UHRF2: variants seen among roughly 807,000 people sequenced by gnomAD.
UHRF2 encodes E3 ubiquitin-protein ligase UHRF2.
A neutral mutation model predicts 96.8 loss-of-function variants in UHRF2; 23 were observed. The observed-to-expected ratio is 0.24, with a 90% CI of 0.17 to 0.34. The LOEUF is 0.34. Among genes scored for constraint, UHRF2 ranks in the 10% least tolerant of loss-of-function variants. UHRF2 has a pLI of 1.00. For missense variants in UHRF2, 685 were observed against 981.5 expected, an observed-to-expected ratio of 0.70 and a Z score of 4.04; for synonymous variants, 385 against 332.6, an observed-to-expected ratio of 1.16 and a Z score of -1.72.
At chr9:6,470,330 G>C (rs954205347) in intron 4 of UHRF2, among the ~76,000 whole-genome samples, 2 of 149,578 alleles carry the variant, frequency 1.3e-5, no homozygotes, top group African/African-American at 4.9e-5. Context: ...CTGAGATCGT[G>C]CCTAGGTGAC....
chr9:6,447,215 T>C (rs541717362), intron 3 of UHRF2, among the ~76,000 whole-genome samples: 23 of 152,286 alleles, frequency 1.5e-4, no homozygotes, highest in Middle Eastern at 3.4e-3. Context: ...AACCTAATTA[T>C]GTTGTTTCTA....
intron 12 of UHRF2, 191 bp downstream of exon 12, chr9:6,498,349 G>A: frequency 1.9e-6 from 1 of 525,134 alleles, no homozygotes; most frequent in Non-Finnish European, 3.0e-6. Flanking sequence ...ACTGCCCTGG[G>A]ACCAAGGGTT....
At chr9:6,428,127 A>C in intron 2 of UHRF2, among the ~76,000 whole-genome samples, 1 of 152,220 alleles carries the variant, frequency 6.6e-6, no homozygotes, top group East Asian at 1.9e-4. Flanking sequence ...ATGTTTTCTT[A>C]TGCTCATTGT....
chr9:6,459,057 G>A (rs1822359459), intron 3 of UHRF2, among the ~76,000 whole-genome samples: 1 of 152,150 alleles, frequency 6.6e-6, no homozygotes, highest in Non-Finnish European at 1.5e-5. Flanking sequence ...TAACACAGAG[G>A]GGCCTGTCGG....
intron 9 of UHRF2, among the ~76,000 whole-genome samples, chr9:6,487,182 CTTTTTTTTTTTTTTTT>C (rs1171978950): frequency 2.9e-5 from 2 of 69,578 alleles, no homozygotes; most frequent in Admixed American, 2.4e-4. Context: ...TTTTTTTTTC[CTTTTTTTTTTTTTTTT>C]TTTTTTTTTG....
chr9:6,421,201 C>G (rs975723611), intron 2 of UHRF2, 59 bp downstream of exon 2: 3 of 1,315,580 alleles, frequency 2.3e-6, no homozygotes, highest in Non-Finnish European at 3.1e-6. Flanking sequence ...ATTTTCTGTT[C>G]AGGATGTTTT....
At chr9:6,466,746 G>A (rs1219587080) in intron 4 of UHRF2, among the ~76,000 whole-genome samples, 1 of 151,940 alleles carries the variant, frequency 6.6e-6, no homozygotes, top group Non-Finnish European at 1.5e-5. Flanking sequence ...ACTGTGCTTC[G>A]GCCATGCTGG....
chr9:6,498,116 T>C lies in UHRF2; in HGVS notation c.1866T>C (p.Ser622=). 1.2e-6 allele frequency: 2 copies of C among 1,613,926 alleles called. No homozygotes were observed. The highest frequency in any genetic ancestry group is 4.5e-5 in the East Asian group (2 of 44,888). Residue 622 remains serine, a synonymous_variant, in exon 12 of 16, where the codon TCT becomes TCC. Coordinates refer to ENST00000276893, the MANE Select transcript of UHRF2 (RefSeq NM_152896.3). ...ATGTTGAACCTGCTCCTTGGACCTC[T>C]GAAGGAATAGAACGGTCAAGGAGAT... ...RDDVEPAPWT[S]EGIERSRRLC...
chr9:6,496,512 C>G (rs1231007735), intron 10 of UHRF2: 1 of 152,156 alleles, frequency 6.6e-6, no homozygotes, highest in Non-Finnish European at 1.5e-5. Context: ...ACTTCCAATT[C>G]AGTGTTCTTC....
At chr9:6,469,674 G>GTA (rs1563782781) in intron 4 of UHRF2, among the ~76,000 whole-genome samples, 66 of 151,254 alleles carry the variant, frequency 4.4e-4, no homozygotes, top group Non-Finnish European at 5.5e-4. Flanking sequence ...GTGTGTGTGT[G>GTA]TGTATGTATA....
In UHRF2 at chr9:6,488,658, C is replaced by T. The variant is rs1367912457; in HGVS notation, c.1497+1733C>T. ...CCTCCTGAATAGCTGGGATTACAGGCGGCCGGTTAATTTTTGTGTTTTTAC... is the reference window on the plus strand; with the variant it reads ...CCTCCTGAATAGCTGGGATTACAGGTGGCCGGTTAATTTTTGTGTTTTTAC... On this transcript the variant is annotated intron_variant, in intron 9 of 15. Coordinates refer to ENST00000276893, the MANE Select transcript of UHRF2 (RefSeq NM_152896.3). 2.7e-5 allele frequency among the ~76,000 whole-genome samples: 4 copies of T among 146,054 alleles called. No individual in the cohort carries two copies. In the Admixed American group the frequency reaches 2.9e-4, roughly 10 times the overall value.
intron 3 of UHRF2, among the ~76,000 whole-genome samples, chr9:6,444,482 C>G (rs1003547515): frequency 6.6e-6 from 1 of 152,220 alleles, no homozygotes; most frequent in Non-Finnish European, 1.5e-5. Context: ...TTATGCTTCT[C>G]AAAGATGGTC....
intron 3 of UHRF2, among the ~76,000 whole-genome samples, chr9:6,434,567 T>G (rs1165104643): frequency 6.6e-6 from 1 of 152,228 alleles, no homozygotes; most frequent in Non-Finnish European, 1.5e-5. Context: ...GCCTCCCAAG[T>G]AGCTGGGATT....
intron 11 of UHRF2, among the ~76,000 whole-genome samples, 186 bp from the exon 12 acceptor site, chr9:6,497,832 G>A (rs1169363319): frequency 6.6e-6 from 1 of 152,140 alleles, no homozygotes; most frequent in Non-Finnish European, 1.5e-5. Context: ...GTCCTCATGG[G>A]AAGTACTGTA....
chr9:6,476,250 G>A (rs1823564475), intron 5 of UHRF2, among the ~76,000 whole-genome samples: 1 of 152,118 alleles, frequency 6.6e-6, no homozygotes, highest in African/African-American at 2.4e-5. Flanking sequence ...TATTGTATAT[G>A]TATATACCAT....
chr9:6,493,567 A>G (rs1367568481), intron 9 of UHRF2, among the ~76,000 whole-genome samples: 5 of 152,200 alleles, frequency 3.3e-5, no homozygotes, highest in African/African-American at 1.2e-4. Flanking sequence ...TGATTATTTT[A>G]CTACATATAT....
At position 6,413,407 on chromosome 9, in the gene UHRF2, G is replaced by A. The variant is rs1186185700; in HGVS notation, c.-84G>A. On this transcript the variant is annotated 5_prime_UTR_variant, in exon 1 of 16. Coordinates refer to ENST00000276893, the MANE Select transcript of UHRF2 (RefSeq NM_152896.3). Reference sequence around the variant, plus strand: ...CCTGCCGCTGAGGGCCCGAGCCGCAGGGAAAGCGGCGCGGGCCGGGCGGGG... The same window carrying A: ...CCTGCCGCTGAGGGCCCGAGCCGCAAGGAAAGCGGCGCGGGCCGGGCGGGG... 2.4e-6 allele frequency: 3 copies of A among 1,269,878 alleles called. No homozygotes were observed. The highest frequency in any genetic ancestry group is 1.0e-6 in the Non-Finnish European group (1 of 993,604). The allele number at this position is 1,269,878 out of a possible 1,614,324, so 78.7% of individuals were successfully genotyped here.
At chr9:6,452,597 A>T (rs892407128) in intron 3 of UHRF2, among the ~76,000 whole-genome samples, 57 of 152,238 alleles carry the variant, frequency 3.7e-4, no homozygotes, top group African/African-American at 1.4e-3. Context: ...TTAACTAAGG[A>T]TATAGAGTTA....
chr9:6,468,682 G>T, intron 4 of UHRF2: 1 of 456,054 alleles, frequency 2.2e-6, no homozygotes, highest in Non-Finnish European at 4.4e-6. Flanking sequence ...CTGGACTTCT[G>T]CTGGACAAGA....
Sources: gnomAD v4.1 joint callset for allele counts (sites outside exome capture counted in the v4.1 genomes callset) on GRCh38, gnomAD v4.1.1 for gene constraint, MANE v1.5 for transcripts, NCBI Gene and HGNC (gene_info 2026-07-23, HGNC 2026-07-21) for gene names.